CLDN10: variants seen among roughly 807,000 people sequenced by gnomAD.
The protein encoded by CLDN10 is claudin 10.
A neutral mutation model predicts 22.9 loss-of-function variants in CLDN10; 15 were observed. That is an observed-to-expected ratio of 0.65 (90% CI 0.44 to 1.01). The LOEUF is 1.01. CLDN10 is among the 50% of genes least tolerant of loss of function. The pLI is 0.00. For synonymous variants in CLDN10, 114 were observed against 111.4 expected (o/e 1.02, Z -0.15); for missense variants, 247 against 287.8 (o/e 0.86, Z 1.03).
chr13:95,549,658 C>A (rs2043544511), upstream of CLDN10, among the ~76,000 whole-genome samples: 1 of 152,130 alleles, frequency 6.6e-6, no homozygotes, highest in Non-Finnish European at 1.5e-5. Flanking sequence ...AACTCATGGC[C>A]TCCAACATAC....
intron 1 of CLDN10, among the ~76,000 whole-genome samples, chr13:95,496,740 C>T (rs1012536243): frequency 9.2e-5 from 14 of 152,246 alleles, no homozygotes; most frequent in Admixed American, 1.3e-4. Context: ...CTCATGACCT[C>T]ATGTAAACCT....
chr13:95,547,764 C>A (rs1269255296), upstream of CLDN10, among the ~76,000 whole-genome samples: 1 of 152,244 alleles, frequency 6.6e-6, no homozygotes, highest in African/African-American at 2.4e-5. Context: ...TGCCTTATCA[C>A]ATTTCTCCTA....
intron 1 of CLDN10, among the ~76,000 whole-genome samples, chr13:95,523,999 T>C (rs1001490782): frequency 3.3e-5 from 5 of 152,122 alleles, no homozygotes; most frequent in Non-Finnish European, 5.9e-5. Context: ...TCATTTAACA[T>C]ATTTAAGATA....
upstream of CLDN10, among the ~76,000 whole-genome samples, chr13:95,550,966 C>T (rs948734664): frequency 6.6e-6 from 1 of 151,830 alleles, no homozygotes; most frequent in Non-Finnish European, 1.5e-5. Context: ...AGCCACTGCG[C>T]CCAGCCAGGG....
chr13:95,465,296 G>C (rs936897988), intron 1 of CLDN10, among the ~76,000 whole-genome samples: 1 of 152,126 alleles, frequency 6.6e-6, no homozygotes, highest in African/African-American at 2.4e-5. Context: ...CCCACAACAC[G>C]TGGGAATTAT....
Position 95,480,750 on chromosome 13 carries a change from T to C in CLDN10, c.214+46703T>C, listed in dbSNP as rs1356514159. On this transcript the variant is annotated intron_variant, in intron 1 of 4. Transcript: ENST00000376873. The stretch of plus-strand genomic sequence containing the variant: ...CCCACGTGAATTCTGCTGCATGGGG[T>C]CCTCAGAACACACGTTGAGAAATAT... Among the ~76,000 whole-genome samples the C allele has an allele frequency of 3.3e-5, 5 of 152,204 alleles. No individual in the cohort carries two copies. In the East Asian group the frequency reaches 9.7e-4, roughly 29 times the overall value.
intron 1 of CLDN10, among the ~76,000 whole-genome samples, chr13:95,545,479 G>A (rs1184186843): frequency 4.6e-5 from 7 of 152,108 alleles, no homozygotes; most frequent in Non-Finnish European, 7.3e-5. Flanking sequence ...GGAGGTTGCG[G>A]TGAGCCGAGA....
chr13:95,535,905 A>C (rs1207160239), intron 1 of CLDN10, among the ~76,000 whole-genome samples: 1 of 152,202 alleles, frequency 6.6e-6, no homozygotes, highest in Non-Finnish European at 1.5e-5. Flanking sequence ...CAACTATGAA[A>C]AAGGTGCAGA....
Position 95,493,000 on chromosome 13 carries a change from T to C in CLDN10, c.214+58953T>C, listed in dbSNP as rs778471081. 7.9e-5 allele frequency among the ~76,000 whole-genome samples: 12 copies of C among 152,194 alleles called. 1 individual carries two copies. The South Asian group carries it at 8.3e-4, about 10-fold the overall frequency. On this transcript the variant is annotated intron_variant, in intron 1 of 4. Transcript: ENST00000376873. Reference sequence around the variant, plus strand: ...GGGTCCCCCTTTCCCACTTCCGCAGTTGGGGCACTCACAGTATTTGGGGTG... The same window carrying C: ...GGGTCCCCCTTTCCCACTTCCGCAGCTGGGGCACTCACAGTATTTGGGGTG...
rs531113096 is a variant in CLDN10, at chr13:95,475,762, C to T, written c.214+41715C>T. Among the ~76,000 whole-genome samples the T allele has an allele frequency of 1.4e-4, 22 of 152,092 alleles. 1 individual carries two copies. The South Asian group carries it at 4.4e-3, about 30-fold the overall frequency. ...ATGTGCTCTCATGATCCCAAGCCCA[C>T]CTGCATGGGTCGAGGGTCCCTGCAT... On this transcript the variant is annotated intron_variant, in intron 1 of 4. Transcript: ENST00000376873.
chr13:95,491,995 G>T (rs1230464406), intron 1 of CLDN10, among the ~76,000 whole-genome samples: 1 of 152,216 alleles, frequency 6.6e-6, no homozygotes, highest in East Asian at 1.9e-4. Context: ...GAGGTTGTCT[G>T]CACAGAGTCC....
chr13:95,550,027 T>A (rs2043547405), upstream of CLDN10, among the ~76,000 whole-genome samples: 1 of 152,222 alleles, frequency 6.6e-6, no homozygotes, highest in Non-Finnish European at 1.5e-5. Context: ...AGAGCTCAAC[T>A]GGTCAGAGCT....
intron 1 of CLDN10, among the ~76,000 whole-genome samples, chr13:95,558,524 T>C (rs916955956): frequency 2.6e-5 from 4 of 152,222 alleles, no homozygotes; most frequent in African/African-American, 7.2e-5. Context: ...CAGTCTGCAT[T>C]TGTGGGAGTC....
intron 1 of CLDN10, among the ~76,000 whole-genome samples, chr13:95,435,881 C>A (rs1412143328): frequency 1.3e-5 from 2 of 151,660 alleles, no homozygotes; most frequent in African/African-American, 2.4e-5. Context: ...GTCTCGATCT[C>A]CTGAGCTCAA....
intron 1 of CLDN10, among the ~76,000 whole-genome samples, chr13:95,440,910 C>T (rs533396958): frequency 3.9e-5 from 6 of 152,206 alleles, no homozygotes; most frequent in African/African-American, 9.6e-5. Context: ...TAGCAGCGGA[C>T]GACTGGACTG....
At chr13:95,567,639 C>A (rs2043803124) in intron 3 of CLDN10, among the ~76,000 whole-genome samples, 1 of 152,184 alleles carries the variant, frequency 6.6e-6, no homozygotes, top group South Asian at 2.1e-4. Context: ...ATTGCCCTGG[C>A]CAGAACTTCC....
intron 3 of CLDN10, among the ~76,000 whole-genome samples, chr13:95,571,023 G>A (rs1281111995): frequency 6.6e-6 from 1 of 151,224 alleles, no homozygotes; most frequent in Non-Finnish European, 1.5e-5. Flanking sequence ...GCTTTTAATA[G>A]CAAAAACTGC....
intron 1 of CLDN10, among the ~76,000 whole-genome samples, chr13:95,545,100 T>C (rs1021493702): frequency 6.6e-6 from 1 of 152,102 alleles, no homozygotes; most frequent in Non-Finnish European, 1.5e-5. Context: ...ATTATTCAAA[T>C]CTTGCTTCTA....
chr13:95,500,697 T>C (rs1566303664), intron 1 of CLDN10, among the ~76,000 whole-genome samples: 1 of 152,176 alleles, frequency 6.6e-6, no homozygotes, highest in Non-Finnish European at 1.5e-5. Context: ...GATCAGTGAA[T>C]GACAAAGTTG....
Sources: allele counts gnomAD v4.1 joint callset (sites outside exome capture counted in the v4.1 genomes callset), GRCh38; gene constraint gnomAD v4.1.1; transcripts MANE v1.5; gene names NCBI Gene and HGNC (gene_info 2026-07-23, HGNC 2026-07-21).